Variants in LEKR1 observed in about 807,000 individuals in gnomAD.
LEKR1 encodes the protein protein LEKR1.
Under a neutral mutation model 72.4 loss-of-function variants are expected in LEKR1, and 59 were observed. The ratio of observed to expected loss-of-function variants is 0.82; its 90% CI spans 0.66 to 1.01. LEKR1 has a LOEUF of 1.01. Among genes scored for constraint, LEKR1 ranks in the 50% least tolerant of loss-of-function variants. The pLI, the probability that LEKR1 is intolerant of heterozygous loss-of-function variation, is 0.00. For synonymous variants in LEKR1, 257 were observed against 263.2 expected, an observed-to-expected ratio of 0.98 and a Z score of 0.23; for missense variants, 728 against 759.2, an observed-to-expected ratio of 0.96 and a Z score of 0.48.
At chr3:156,936,011 G>A (rs1725668804) in intron 5 of LEKR1, among the ~76,000 whole-genome samples, 2 of 152,302 alleles carry the variant, frequency 1.3e-5, no homozygotes, top group South Asian at 2.1e-4. Flanking sequence ...TGAGGACGAT[G>A]TGAATTATAG....
chr3:156,883,673 A>C (rs9814973), intron 3 of LEKR1, among the ~76,000 whole-genome samples: 7,419 of 152,160 alleles, frequency 0.049, 659 homozygotes, highest in African/African-American at 0.17. Flanking sequence ...GGGGAAACCG[A>C]TTTTGCTTGG....
At chr3:157,009,215 T>C (rs1335829556) in intron 9 of LEKR1, among the ~76,000 whole-genome samples, 4 of 152,262 alleles carry the variant, frequency 2.6e-5, no homozygotes, top group African/African-American at 9.6e-5. Context: ...GTAAAATCAA[T>C]TTTAATAATT....
intron 3 of LEKR1, 168 bp downstream of exon 3, chr3:156,853,150 T>G (rs1010039126): frequency 1.2e-5 from 4 of 347,338 alleles, no homozygotes; most frequent in Admixed American, 4.6e-5. Flanking sequence ...TTATTATAGT[T>G]TGCTTTCTTT....
chr3:156,979,077 A>C, intron 6 of LEKR1, 117 bp from the exon 7 acceptor site: 1 of 417,338 alleles, frequency 2.4e-6, no homozygotes. Flanking sequence ...AAAGTGGAAT[A>C]AGCAGCTGCC....
At chr3:156,910,527 A>G (rs183862088) in intron 3 of LEKR1, among the ~76,000 whole-genome samples, 1 of 152,272 alleles carries the variant, frequency 6.6e-6, no homozygotes, top group East Asian at 1.9e-4. Context: ...GAGTAACGGG[A>G]TCATTTGTAC....
At chr3:156,984,364 T>C (rs1213353359) in intron 7 of LEKR1, among the ~76,000 whole-genome samples, 1 of 152,214 alleles carries the variant, frequency 6.6e-6, no homozygotes, top group Non-Finnish European at 1.5e-5. Flanking sequence ...ACTAAGAATA[T>C]GTCTAAGTGA....
chr3:157,028,430 A>AATTAAT (rs756379694), intron 12 of LEKR1, 28 bp downstream of exon 12: 5 of 1,530,894 alleles, frequency 3.3e-6, no homozygotes, highest in Admixed American at 2.1e-5. Flanking sequence ...GTAACTTTGC[A>AATTAAT]ATTAATCAAA....
chr3:157,025,036 C>A, intron 11 of LEKR1, 112 bp downstream of exon 11: 1 of 693,322 alleles, frequency 1.4e-6, no homozygotes, highest in Non-Finnish European at 2.4e-6. Context: ...CACTCATGGT[C>A]ACTGTGTCTT....
intron 10 of LEKR1, among the ~76,000 whole-genome samples, chr3:157,022,290 C>G (rs2108032054): frequency 2.6e-5 from 4 of 152,106 alleles, no homozygotes; most frequent in Middle Eastern, 6.8e-3. Flanking sequence ...ACTGAGAAAC[C>G]ACGAAGAAGG....
At chr3:156,836,410 A>T (rs865875250) in intron 2 of LEKR1, among the ~76,000 whole-genome samples, 76 of 152,168 alleles carry the variant, frequency 5.0e-4, no homozygotes, top group Non-Finnish European at 1.2e-4. Flanking sequence ...AAGAAGAAAA[A>T]AAAAGCTTTT....
intron 6 of LEKR1, among the ~76,000 whole-genome samples, chr3:156,977,034 G>T (rs1729753990): frequency 6.6e-6 from 1 of 152,186 alleles, no homozygotes; most frequent in African/African-American, 2.4e-5. Flanking sequence ...GTTTGGCTGG[G>T]AATTCTTCCT....
chr3:156,995,220 A>AAT (rs1731466152), intron 9 of LEKR1, among the ~76,000 whole-genome samples: 1 of 152,070 alleles, frequency 6.6e-6, no homozygotes, highest in Admixed American at 6.6e-5. Context: ...ACCTCAGTAG[A>AAT]ATATATATAT....
intron 2 of LEKR1, among the ~76,000 whole-genome samples, chr3:156,832,327 C>T (rs1347240711): frequency 6.6e-6 from 1 of 152,138 alleles, no homozygotes; most frequent in Non-Finnish European, 1.5e-5. Flanking sequence ...GGGTCATTAG[C>T]AGAGACTCAA....
chr3:156,994,472 C>G (rs1731390614), intron 9 of LEKR1, among the ~76,000 whole-genome samples: 1 of 151,956 alleles, frequency 6.6e-6, no homozygotes, highest in African/African-American at 2.4e-5. Flanking sequence ...AGCTGATATC[C>G]CCCCACCATT....
At chr3:156,916,046 G>A (rs946086782) in intron 3 of LEKR1, among the ~76,000 whole-genome samples, 1 of 152,022 alleles carries the variant, frequency 6.6e-6, no homozygotes, top group Non-Finnish European at 1.5e-5. Context: ...GTTTTTGTCA[G>A]CTTTGTCAAA....
At chr3:156,900,550 T>TA (rs11458111) in intron 3 of LEKR1, among the ~76,000 whole-genome samples, 3,251 of 151,618 alleles carry the variant, frequency 0.021, 124 homozygotes, top group African/African-American at 0.073. Flanking sequence ...TTTGATGATC[T>TA]AAAAAAAAAT....
At chr3:157,039,090 A>G (rs137964525) in intron 12 of LEKR1, among the ~76,000 whole-genome samples, 1 of 152,224 alleles carries the variant, frequency 6.6e-6, no homozygotes, top group Non-Finnish European at 1.5e-5. Context: ...AAAACAAAGG[A>G]AAGTACATGT....
intron 6 of LEKR1, among the ~76,000 whole-genome samples, chr3:156,965,325 T>G (rs896620797): frequency 1.5e-4 from 23 of 152,290 alleles, no homozygotes; most frequent in Middle Eastern, 3.4e-3. Flanking sequence ...CATGTTATAT[T>G]GGGTTGTTTT....
intron 2 of LEKR1, among the ~76,000 whole-genome samples, chr3:156,849,489 G>A (rs62273957): frequency 0.039 from 5,997 of 151,936 alleles, 163 homozygotes; most frequent in Non-Finnish European, 0.058. Context: ...GAGGCATCAC[G>A]CTACCTGACT....
Sources: allele counts gnomAD v4.1 joint callset (sites outside exome capture counted in the v4.1 genomes callset), GRCh38; gene constraint gnomAD v4.1.1; transcripts MANE v1.5; gene names NCBI Gene and HGNC (gene_info 2026-07-23, HGNC 2026-07-21).